Variants in PTPRG observed in about 807,000 individuals in gnomAD.
PTPRG encodes the protein receptor-type tyrosine-protein phosphatase gamma.
A neutral mutation model predicts 165.3 loss-of-function variants in PTPRG; 102 were observed. That is an observed-to-expected ratio of 0.62 (90% CI 0.53 to 0.73). The LOEUF is 0.73. PTPRG is among the 30% of genes least tolerant of loss of function. The pLI is 0.00. For missense variants in PTPRG, 1,866 were observed against 1,861.4 expected (o/e 1.00, Z -0.05); for synonymous variants, 675 against 669.5 (o/e 1.01, Z -0.13).
intron 4 of PTPRG, among the ~76,000 whole-genome samples, chr3:62,060,434 G>C (rs1700771087): frequency 6.6e-6 from 1 of 152,170 alleles, no homozygotes; most frequent in Non-Finnish European, 1.5e-5. Flanking sequence ...GACCAGATGA[G>C]ATTGCACAAG....
intron 5 of PTPRG, among the ~76,000 whole-genome samples, chr3:62,109,925 A>G (rs2106854344): frequency 6.6e-6 from 1 of 152,064 alleles, no homozygotes; most frequent in Middle Eastern, 3.4e-3. Context: ...CCTATAAACC[A>G]TCACCAGCAC....
At chr3:62,151,672 A>G (rs1429041144) in intron 6 of PTPRG, among the ~76,000 whole-genome samples, 1 of 151,626 alleles carries the variant, frequency 6.6e-6, no homozygotes, top group Non-Finnish European at 1.5e-5. Context: ...ATGGTGGTAT[A>G]AATAGTTTTT....
rs572707343 is a variant in PTPRG at position 61,888,989 on chromosome 3, T to G, written c.191-100636T>G. Among the ~76,000 whole-genome samples the G allele has an allele frequency of 2.6e-5, 4 of 152,334 alleles. No individual in the cohort carries two copies. The South Asian group carries it at 8.3e-4, about 32-fold the overall frequency. On this transcript the variant is annotated intron_variant, in intron 2 of 29. Transcript: ENST00000474889. Reference sequence around the variant, plus strand: ...GGAATAATTATTAGTGATATTGTGTTTTTCTCAGTGCATATCAGGAGGCAG... The same window carrying G: ...GGAATAATTATTAGTGATATTGTGTGTTTCTCAGTGCATATCAGGAGGCAG...
chr3:61,622,942 G>T (rs115530059), intron 1 of PTPRG, among the ~76,000 whole-genome samples: 2,281 of 152,248 alleles, frequency 0.015, 28 homozygotes, highest in Non-Finnish European at 0.024. Flanking sequence ...TTTAATAAAA[G>T]TAATAATGTC....
At chr3:62,160,864 A>ATTTTTTTTTTTTTTTTTTTTT (rs5849464) in intron 7 of PTPRG, among the ~76,000 whole-genome samples, 3 of 103,982 alleles carry the variant, frequency 2.9e-5, no homozygotes, top group African/African-American at 1.1e-4. Context: ...TAGATGTGTG[A>ATTTTTTTTTTTTTTTTTTTTT]TTTTTTTTTT....
chr3:61,834,461 T>C lies in PTPRG; in HGVS notation c.190+85479T>C, dbSNP rs565548190. 8.5e-5 allele frequency among the ~76,000 whole-genome samples: 13 copies of C among 152,246 alleles called. No homozygotes were observed. The East Asian group carries it at 2.1e-3, about 25-fold the overall frequency. On this transcript the variant is annotated intron_variant, in intron 2 of 29. Transcript: ENST00000474889. ...CTGTAGTCCTAGCTGCTCAGGAGGC[T>C]GAGGTGGGAGGATCGCTTGAGCCCA...
chr3:61,665,572 T>TC (rs1206483010), intron 1 of PTPRG, among the ~76,000 whole-genome samples: 2 of 151,982 alleles, frequency 1.3e-5, no homozygotes, highest in African/African-American at 4.8e-5. Context: ...TGCTTGTAAT[T>TC]CCTGCACTTT....
chr3:61,807,508 T>C (rs184122183), intron 2 of PTPRG, among the ~76,000 whole-genome samples: 6 of 152,328 alleles, frequency 3.9e-5, no homozygotes, highest in Non-Finnish European at 7.3e-5. Context: ...ATTTTAACAT[T>C]GTGGTCAATT....
intron 8 of PTPRG, among the ~76,000 whole-genome samples, chr3:62,184,471 A>C (rs997865616): frequency 6.6e-6 from 1 of 152,204 alleles, no homozygotes; most frequent in Non-Finnish European, 1.5e-5. Flanking sequence ...TCACTCCCTG[A>C]GGCCATTTCT....
chr3:62,151,351 C>G (rs1360875073), intron 6 of PTPRG, among the ~76,000 whole-genome samples: 1 of 152,108 alleles, frequency 6.6e-6, no homozygotes, highest in Non-Finnish European at 1.5e-5. Context: ...TAAATCTCCC[C>G]TAACTGGTTA....
At chr3:61,785,466 T>C (rs1453352816) in intron 2 of PTPRG, among the ~76,000 whole-genome samples, 2 of 152,192 alleles carry the variant, frequency 1.3e-5, no homozygotes, top group South Asian at 2.1e-4. Flanking sequence ...TTCAGGCTAA[T>C]TAAAGACCTT....
intron 8 of PTPRG, among the ~76,000 whole-genome samples, chr3:62,189,972 G>A (rs539207017): frequency 6.6e-6 from 1 of 152,148 alleles, no homozygotes; most frequent in African/African-American, 2.4e-5. Flanking sequence ...ATCTCCATAA[G>A]CTCTCAGCTC....
Position 62,296,118 on chromosome 3 carries a change from T to C in PTPRG, c.*2811T>C, listed in dbSNP as rs1703054149. 1 of 152,064 alleles carries C rather than the reference T, an allele frequency of 6.6e-6. No homozygotes were observed. Among genetic ancestry groups the C allele is most frequent in the Non-Finnish European group, 1.5e-5 (1 of 67,968 alleles). 9.4% of individuals were successfully genotyped at this position (152,064 alleles called of 1,614,324 possible). On this transcript the variant is annotated 3_prime_UTR_variant, in exon 30 of 30. Transcript: ENST00000474889. ...TGTGCTGGACATCAAAGAAAAGACA[T>C]GCTGTTGCCATCAGGAGAACTCTTT...
chr3:61,685,631 T>A (rs1197494204), intron 1 of PTPRG, among the ~76,000 whole-genome samples: 1 of 152,196 alleles, frequency 6.6e-6, no homozygotes, highest in African/African-American at 2.4e-5. Context: ...GAAGGTTCTT[T>A]GCAGCTGAGT....
intron 1 of PTPRG, among the ~76,000 whole-genome samples, chr3:61,629,674 C>CT (rs1487843165): frequency 1.3e-5 from 2 of 152,202 alleles, no homozygotes; most frequent in African/African-American, 4.8e-5. Flanking sequence ...GGAAGGCACT[C>CT]TCTTCCTAAA....
At position 61,888,321 on chromosome 3, in the gene PTPRG, TG is replaced by T. The variant is rs1468496828; in HGVS notation, c.191-101303del. On this transcript the variant is annotated intron_variant, in intron 2 of 29. Transcript: ENST00000474889. Reference sequence around the variant, plus strand: ...CTATTTCTGTTCTAGGAAAATGGGTTGTTTTTTTTGTTTGTTTGTTTGTTGT... The same window carrying T: ...CTATTTCTGTTCTAGGAAAATGGGTTTTTTTTTTGTTTGTTTGTTTGTTGT... 1.2e-4 allele frequency among the ~76,000 whole-genome samples: 17 copies of T among 142,018 alleles called. 1 individual carries two copies. The highest frequency in any genetic ancestry group is 1.1e-3 in the Admixed American group (16 of 15,000). 93.2% of individuals were successfully genotyped at this position (142,018 alleles called of 152,430 possible).
At chr3:62,285,479 T>C (rs1395484269) in intron 28 of PTPRG, among the ~76,000 whole-genome samples, 1 of 127,596 alleles carries the variant, frequency 7.8e-6, no homozygotes, top group Non-Finnish European at 1.6e-5. Flanking sequence ...TTGGTCTTCA[T>C]AGAGATCTTT....
At chr3:61,778,443 C>T (rs147791781) in intron 2 of PTPRG, among the ~76,000 whole-genome samples, 161 of 152,206 alleles carry the variant, frequency 1.1e-3, no homozygotes, top group African/African-American at 3.8e-3. Context: ...TTTCAATTTT[C>T]CATCTGCTAT....
At chr3:61,784,890 C>A (rs140097107) in intron 2 of PTPRG, among the ~76,000 whole-genome samples, 1 of 152,080 alleles carries the variant, frequency 6.6e-6, no homozygotes, top group Non-Finnish European at 1.5e-5. Flanking sequence ...AGTCTGAAAA[C>A]GGATGAATTT....
Sources: allele counts gnomAD v4.1 joint callset (sites outside exome capture counted in the v4.1 genomes callset), GRCh38; gene constraint gnomAD v4.1.1; transcripts MANE v1.5; gene names NCBI Gene and HGNC (gene_info 2026-07-23, HGNC 2026-07-21).